Variants in SEC23IP observed in about 807,000 individuals in gnomAD.
The protein encoded by SEC23IP is SEC23 interacting protein.
SEC23IP carries 70 observed loss-of-function variants against 113.4 expected under a neutral mutation model. The ratio of observed to expected loss-of-function variants is 0.62; its 90% confidence interval spans 0.51 to 0.75. The LOEUF (loss-of-function observed/expected upper bound fraction) is 0.75. Ranked by LOEUF, SEC23IP falls within the 30% of genes least tolerant of loss-of-function variation. The pLI, the probability that SEC23IP is intolerant of heterozygous loss-of-function variation, is 0.00. For missense variants in SEC23IP, 1,160 were observed against 1,204.9 expected, an observed-to-expected ratio of 0.96 and a Z score of 0.55; for synonymous variants, 398 against 421.0, an observed-to-expected ratio of 0.95 and a Z score of 0.67.
intron 18 of SEC23IP, among the ~76,000 whole-genome samples, chr10:119,934,813 C>A (rs1855720522): frequency 1.3e-5 from 2 of 152,072 alleles, no homozygotes; most frequent in African/African-American, 2.4e-5. Flanking sequence ...GCTCCATTTC[C>A]AAAATTAAAC....
chr10:119,909,756 A>G (rs1854797408), intron 5 of SEC23IP, among the ~76,000 whole-genome samples: 2 of 152,012 alleles, frequency 1.3e-5, no homozygotes, highest in South Asian at 4.2e-4. Flanking sequence ...TTAGCTGAGC[A>G]TAGTGGTGTG....
chr10:119,908,979 A>G (rs1854768596), intron 4 of SEC23IP, 62 bp from the exon 5 acceptor site: 2 of 1,105,166 alleles, frequency 1.8e-6, no homozygotes, highest in African/African-American at 1.6e-5. Context: ...TTTCCTCCAT[A>G]CTTTCTCTCC....
chr10:119,917,941 A>G lies in SEC23IP; in HGVS notation c.1650A>G (p.Thr550=), dbSNP rs763569945. ...ATAACAGCCCCACCTACTGTCAGACAATTGTGGAAAAAGTAGGAATGGAGA... is the reference window on the plus strand; with the variant it reads ...ATAACAGCCCCACCTACTGTCAGACGATTGTGGAAAAAGTAGGAATGGAGA... ...LFYNSPTYCQ[T]IVEKVGMEIN... The change falls in exon 9 of 19, where the codon ACA becomes ACG. Residue 550 remains threonine, a synonymous_variant. Transcript: ENST00000369075. The G allele has an allele frequency of 3.7e-6, 6 of 1,613,938 alleles. No homozygotes were observed. The African/African-American group carries it at 8.0e-5, about 22-fold the overall frequency.
chr10:119,928,865 A>T (rs773808777), intron 13 of SEC23IP, among the ~76,000 whole-genome samples: 2 of 152,246 alleles, frequency 1.3e-5, no homozygotes, highest in African/African-American at 4.8e-5. Context: ...TGATAGTTAT[A>T]ATAGTAACAG....
chr10:119,907,656 T>G (rs1355693154), intron 4 of SEC23IP, among the ~76,000 whole-genome samples: 1 of 151,768 alleles, frequency 6.6e-6, no homozygotes, highest in African/African-American at 2.4e-5. Context: ...ACCACAACAA[T>G]AAAAATAACA....
chr10:119,925,848 T>G (rs1284056845), intron 12 of SEC23IP, among the ~76,000 whole-genome samples, 188 bp from the exon 13 acceptor site: 1 of 152,086 alleles, frequency 6.6e-6, no homozygotes, highest in Non-Finnish European at 1.5e-5. Flanking sequence ...GACCTGGACA[T>G]TTTTTTAAAT....
chr10:119,907,839 T>G (rs1854728304), intron 4 of SEC23IP, among the ~76,000 whole-genome samples: 1 of 151,576 alleles, frequency 6.6e-6, no homozygotes, highest in South Asian at 2.1e-4. Context: ...GTAGTGCCAG[T>G]TACTCGGGAG....
intron 5 of SEC23IP, 73 bp from the exon 6 acceptor site, chr10:119,911,971 T>C (rs1252486029): frequency 1.3e-6 from 2 of 1,564,094 alleles, no homozygotes; most frequent in East Asian, 2.3e-5. Flanking sequence ...GCTTATTATG[T>C]GTTAAACTAC....
intron 15 of SEC23IP, 54 bp from the exon 16 acceptor site, chr10:119,932,079 G>GC (rs1855623894): frequency 1.7e-6 from 2 of 1,178,076 alleles, no homozygotes; most frequent in Non-Finnish European, 2.5e-6. Context: ...TTTTTGTGAG[G>GC]CAGAAGTTTA....
rs750731110 is a variant in SEC23IP, at chr10:119,898,630, A to C, written c.367A>C (p.Thr123Pro). 3 of 1,614,178 alleles carry C rather than the reference A, an allele frequency of 1.9e-6. 1 individual carries two copies. The South Asian group carries it at 3.3e-5, about 18-fold the overall frequency. ...CAAGCCCCTGACTGCTCTCCCTTTT[A>C]CAACTGGATCCCAAGATGTCTCGAA... is the stretch of plus-strand genomic sequence containing the variant. ...FPKPLTALPF[T>P]TGSQDVSNAF... The change falls in exon 2 of 19, where the codon ACA becomes CCA. Residue 123 changes from threonine to proline, a missense_variant. Transcript: ENST00000369075.
At position 119,902,409 on chromosome 10, in the gene SEC23IP, G is replaced by A. The variant is rs549744041; in HGVS notation, c.697-390G>A. Reference sequence around the variant, plus strand: ...TATTGCTAGATTGATTTCTGTAAAGGTGTTAGTTTACTTTGTGTTCTGTGA... The same window carrying A: ...TATTGCTAGATTGATTTCTGTAAAGATGTTAGTTTACTTTGTGTTCTGTGA... On this transcript the variant is annotated intron_variant, in intron 2 of 18. Coordinates refer to ENST00000369075, the MANE Select transcript of SEC23IP (RefSeq NM_007190.4). 5.3e-5 allele frequency among the ~76,000 whole-genome samples: 8 copies of A among 152,264 alleles called. 1 individual carries two copies. In the South Asian group the frequency reaches 1.4e-3, roughly 28 times the overall value.
rs1855960971 is a variant in SEC23IP at position 119,941,433 on chromosome 10, G to A, written c.*868G>A. 2 of 152,176 alleles carry A rather than the reference G, an allele frequency of 1.3e-5. 1 individual carries two copies. Among genetic ancestry groups the A allele is most frequent in the South Asian group, 4.1e-4 (2 of 4,834 alleles). The allele number at this position is 152,176 out of a possible 1,614,324, so 9.4% of individuals were successfully genotyped here. On this transcript the variant is annotated 3_prime_UTR_variant, in exon 19 of 19. Coordinates refer to ENST00000369075, the MANE Select transcript of SEC23IP (RefSeq NM_007190.4). ...ACCAAAGTGTTTGAAAGTATGAAAT[G>A]TGTTGCTTCTGAGTTATATAAGGCT...
At position 119,935,497 on chromosome 10, in the gene SEC23IP, C is replaced by T. The variant is rs144202053; in HGVS notation, c.*20+1710C>T. On this transcript the variant is annotated intron_variant, in intron 18 of 18. Coordinates refer to ENST00000369075, the MANE Select transcript of SEC23IP (RefSeq NM_007190.4). ...ACAAATGATAGCAAAATTGACACAC[C>T]GTTATTACCTTTGTGTCTTTGAGAT... Among the ~76,000 whole-genome samples, 477 of 152,128 alleles carry T rather than the reference C, an allele frequency of 3.1e-3. 1 individual carries two copies. The highest frequency in any genetic ancestry group is 0.011 in the African/African-American group (446 of 41,516).
rs147248074 is a variant in SEC23IP, at chr10:119,908,241, T to A, written c.1102-800T>A. 2.4e-4 allele frequency among the ~76,000 whole-genome samples: 37 copies of A among 152,162 alleles called. 1 individual carries two copies. Among genetic ancestry groups the A allele is most frequent in the Admixed American group, 2.4e-3 (37 of 15,274 alleles). ...TGGAGTCAGAAAGTCCTGGGTGATA[T>A]TACTCCAGCCCACATGAAAAAAAAG... On this transcript the variant is annotated intron_variant, in intron 4 of 18. Transcript: ENST00000369075.
At position 119,898,529 on chromosome 10, in the gene SEC23IP, G is replaced by A. The variant is rs375132088; in HGVS notation, c.266G>A (p.Ser89Asn). The part of the protein sequence containing the change: ...TFSYFSQVSS[S>N]SDPFGNIGQS... ...AGTTACTTCTCTCAGGTATCAAGCA[G>A]CAGTGATCCTTTTGGGAATATTGGA... The change falls in exon 2 of 19, where the codon AGC becomes AAC. Residue 89 changes from serine (S) to asparagine (N), a missense_variant. Ser to Asn is a conservative substitution (Grantham distance 46). Coordinates refer to ENST00000369075, the MANE Select transcript of SEC23IP (RefSeq NM_007190.4). 1.2e-6 allele frequency: 2 copies of A among 1,614,042 alleles called. No homozygotes were observed. The highest frequency in any genetic ancestry group is 2.7e-5 in the African/African-American group (2 of 74,906).
chr10:119,933,143 C>G lies in SEC23IP; in HGVS notation c.2897C>G (p.Ala966Gly), dbSNP rs1368678376. The change falls in exon 17 of 19, where the codon GCT becomes GGT. Residue 966 changes from alanine to glycine, a missense_variant. Transcript: ENST00000369075. ...GAGAGTTTTAATGAATACCTTTTCGCTCTTCAGAGTCACTTATGCTATTGG... is the reference window on the plus strand; with the variant it reads ...GAGAGTTTTAATGAATACCTTTTCGGTCTTCAGAGTCACTTATGCTATTGG... ...PIESFNEYLF[A>G]LQSHLCYWES... 2.5e-6 allele frequency: 4 copies of G among 1,613,944 alleles called. No individual in the cohort carries two copies. The East Asian group carries it at 8.9e-5, about 36-fold the overall frequency.
At chr10:119,913,949 C>A (rs772076520) in intron 6 of SEC23IP, among the ~76,000 whole-genome samples, 1 of 151,756 alleles carries the variant, frequency 6.6e-6, no homozygotes, top group Non-Finnish European at 1.5e-5. Context: ...GTCAGGAGTT[C>A]GAGACCAGCC....
At chr10:119,893,809 C>A (rs536203333) in intron 1 of SEC23IP, among the ~76,000 whole-genome samples, 2 of 152,136 alleles carry the variant, frequency 1.3e-5, no homozygotes, top group Non-Finnish European at 2.9e-5. Context: ...TTTAACCCCC[C>A]ACCCATTCCT....
In SEC23IP at chr10:119,932,254, G is replaced by A; in HGVS notation, c.2694G>A (p.Leu898=). Residue 898 remains leucine, a synonymous_variant, in exon 16 of 19, where the codon TTG becomes TTA. Transcript: ENST00000369075. ...FARAHTSSTQ[L]QEELEKVANQ... is the part of the protein sequence containing the mutation. The stretch of plus-strand genomic sequence containing the variant: ...GTGCTCATACGTCTTCAACCCAGTT[G>A]CAAGAAGAATTGGAGAAGGTGGCCA... 1 of 1,614,072 alleles carries A rather than the reference G, an allele frequency of 6.2e-7. No individual in the cohort carries two copies. The highest frequency in any genetic ancestry group is 8.5e-7 in the Non-Finnish European group (1 of 1,179,924).
Sources: gnomAD v4.1 joint callset for allele counts (sites outside exome capture counted in the v4.1 genomes callset) on GRCh38, gnomAD v4.1.1 for gene constraint, MANE v1.5 for transcripts, NCBI Gene and HGNC (gene_info 2026-07-23, HGNC 2026-07-21) for gene names.